DIS3L2: variants seen among roughly 807,000 people sequenced by gnomAD.
DIS3L2 encodes the protein DIS3 like 3'-5' exoribonuclease 2.
A neutral mutation model predicts 97.5 loss-of-function variants in DIS3L2; 34 were observed. The observed-to-expected ratio is 0.35, with a 90% CI of 0.27 to 0.46. The LOEUF is 0.46. Ranked by LOEUF, DIS3L2 falls within the 20% of genes least tolerant of loss-of-function variation. The pLI is 1.00. For missense variants in DIS3L2, 1,038 were observed against 1,146.0 expected, an observed-to-expected ratio of 0.91 and a Z score of 1.36; for synonymous variants, 435 against 445.2, an observed-to-expected ratio of 0.98 and a Z score of 0.29.
chr2:232,304,633 C>T (rs996848089), intron 14 of DIS3L2, among the ~76,000 whole-genome samples: 5 of 152,200 alleles, frequency 3.3e-5, no homozygotes, highest in African/African-American at 1.2e-4. Flanking sequence ...ACTGCCAGGA[C>T]TGTGGAGCTG....
intron 13 of DIS3L2, among the ~76,000 whole-genome samples, chr2:232,285,580 T>C (rs1694405451): frequency 2.0e-5 from 3 of 152,216 alleles, no homozygotes; most frequent in Admixed American, 2.0e-4. Flanking sequence ...TGTCCCTGTT[T>C]GTGGGAGAAG....
chr2:232,195,604 G>A (rs981559660), intron 9 of DIS3L2, among the ~76,000 whole-genome samples: 3 of 151,542 alleles, frequency 2.0e-5, no homozygotes, highest in Admixed American at 6.6e-5. Flanking sequence ...AAGACCAGGT[G>A]AGCCAGTTTA....
rs75782436 is a variant in DIS3L2 at position 232,334,397 on chromosome 2, C to T, written c.2187C>T (p.Pro729=). ...ATAGGGAGCGACTAGACATGGCGCC[C>T]GATACCCTGCAGAAACAGGCGGACC... ...LGYRERLDMA[P]DTLQKQADHC... is the part of the protein sequence containing the mutation. The change falls in exon 18 of 21, where the codon CCC becomes CCT. Residue 729 remains proline, a synonymous_variant. Transcript: ENST00000325385. 51,230 of 1,613,586 alleles carry T rather than the reference C, an allele frequency of 0.032. 994 individuals carry two copies. Among genetic ancestry groups the T allele is most frequent in the African/African-American group, 0.077 (5,750 of 75,026 alleles).
At chr2:232,264,366 A>G (rs1328887225) in intron 13 of DIS3L2, among the ~76,000 whole-genome samples, 1 of 152,210 alleles carries the variant, frequency 6.6e-6, no homozygotes, top group African/African-American at 2.4e-5. Context: ...ATAACTCTGA[A>G]GTCTCACAGC....
chr2:232,157,495 C>G (rs1690523965), intron 8 of DIS3L2, among the ~76,000 whole-genome samples: 1 of 152,132 alleles, frequency 6.6e-6, no homozygotes, highest in Non-Finnish European at 1.5e-5. Context: ...AAGGTGAAGT[C>G]CTTAATTACA....
chr2:232,330,798 C>A (rs752344734), intron 16 of DIS3L2, 22 bp downstream of exon 16: 1 of 1,604,116 alleles, frequency 6.2e-7, no homozygotes, highest in Non-Finnish European at 8.5e-7. Context: ...CCAGCCCCGG[C>A]CTCCCCTGCT....
chr2:232,146,318 G>A (rs1010555234), intron 8 of DIS3L2, among the ~76,000 whole-genome samples: 1 of 152,148 alleles, frequency 6.6e-6, no homozygotes, highest in African/African-American at 2.4e-5. Context: ...AGTGAATGGA[G>A]GGAAAGGGAA....
chr2:232,309,399 C>T (rs1198154177), intron 14 of DIS3L2, among the ~76,000 whole-genome samples: 2 of 152,118 alleles, frequency 1.3e-5, no homozygotes, highest in African/African-American at 2.4e-5. Context: ...GAGAGAGTAG[C>T]GGAAGGCAGA....
intron 8 of DIS3L2, among the ~76,000 whole-genome samples, chr2:232,143,511 A>AT (rs1398775665): frequency 1.3e-5 from 2 of 152,080 alleles, no homozygotes; most frequent in East Asian, 3.9e-4. Context: ...TCTAAATTTT[A>AT]TTTTTTCCAA....
Position 232,238,536 on chromosome 2 carries a change from A to G in DIS3L2, c.1208A>G (p.Asn403Ser), listed in dbSNP as rs761671385. Reference protein sequence around the residue: ...ALSCKPLADGNFKVGVHIADV... With the variant: ...ALSCKPLADGSFKVGVHIADV... Reference sequence around the variant, plus strand: ...AGTCCTTCTCGTGCATTTACAGGCAACTTCAAAGTGGGAGTTCACATTGCT... The same window carrying G: ...AGTCCTTCTCGTGCATTTACAGGCAGCTTCAAAGTGGGAGTTCACATTGCT... Residue 403 changes from asparagine (N) to serine (S), a missense_variant, in exon 11 of 21, where the codon AAC becomes AGC. Around this residue, in one of 3 missense-constraint regions of DIS3L2, gnomAD observed 813 missense variants for 880.1 expected, o/e 0.92. Coordinates refer to ENST00000325385, the MANE Select transcript of DIS3L2 (RefSeq NM_152383.5). The G allele has an allele frequency of 1.5e-5, 25 of 1,613,838 alleles. No homozygotes were observed. The highest frequency in any genetic ancestry group is 7.7e-5 in the South Asian group (7 of 91,018).
At position 232,269,488 on chromosome 2, in the gene DIS3L2, A is replaced by G. The variant is rs534610301; in HGVS notation, c.1659+6048A>G. 3.8e-4 allele frequency among the ~76,000 whole-genome samples: 58 copies of G among 152,318 alleles called. No individual in the cohort carries two copies. The highest frequency in any genetic ancestry group is 1.4e-3 in the African/African-American group (57 of 41,574). On this transcript the variant is annotated intron_variant, in intron 13 of 20. Coordinates refer to ENST00000325385, the MANE Select transcript of DIS3L2 (RefSeq NM_152383.5). This position sits in a 1 kb window ranked among gnomAD's most constrained non-coding sequence, Gnocchi z 4.5. The stretch of plus-strand genomic sequence containing the variant: ...GTCGTAGAGCTTTTCTATAAATAAT[A>G]TAGGAAAATAATGAGAGAGCCAGCA...
At chr2:232,315,699 G>A (rs949059541) in intron 14 of DIS3L2, among the ~76,000 whole-genome samples, 1 of 152,208 alleles carries the variant, frequency 6.6e-6, no homozygotes, top group Non-Finnish European at 1.5e-5. Context: ...TTTGCTGTCT[G>A]TTCTGCGGAT....
chr2:232,343,394 C>T (rs764047987), exon 14 of DIS3L2: 34 of 1,556,434 alleles, frequency 2.2e-5, no homozygotes, highest in African/African-American at 1.5e-4. Context: ...TCTCACAGCC[C>T]CTCTGCTGAA....
chr2:232,182,754 G>C (rs1466703110), intron 9 of DIS3L2, among the ~76,000 whole-genome samples: 1 of 152,064 alleles, frequency 6.6e-6, no homozygotes, highest in Non-Finnish European at 1.5e-5. Flanking sequence ...TTTTGTTACT[G>C]TTTGCATGAC....
intron 10 of DIS3L2, among the ~76,000 whole-genome samples, chr2:232,225,887 C>G (rs766085615): frequency 6.6e-6 from 1 of 151,970 alleles, no homozygotes; most frequent in Non-Finnish European, 1.5e-5. Context: ...CAGGGGTGAA[C>G]CTTGAAAATA....
intron 9 of DIS3L2, among the ~76,000 whole-genome samples, chr2:232,201,350 A>G (rs372117790): frequency 5.9e-5 from 9 of 152,204 alleles, no homozygotes; most frequent in East Asian, 3.8e-4. Context: ...GAGGAGATGA[A>G]TTTTGTCACA....
At chr2:232,239,363 C>T (rs1352343719) in intron 11 of DIS3L2, among the ~76,000 whole-genome samples, 1 of 152,220 alleles carries the variant, frequency 6.6e-6, no homozygotes, top group Non-Finnish European at 1.5e-5. Context: ...CTGATGGTCA[C>T]TGCAGTAGGC....
Position 232,300,122 on chromosome 2 carries a change from A to G in DIS3L2, c.1739+3A>G. ...TATGAGTACCGCGAGAGCAACAAGT[A>G]AGCCACTCAGTGGGAAAGAGTGTCA... is the stretch of plus-strand genomic sequence containing the variant. On this transcript the variant is annotated splice_donor_region_variant and intron_variant, in intron 14 of 20. Transcript: ENST00000325385. The G allele has an allele frequency of 1.9e-6, 3 of 1,613,372 alleles. No individual in the cohort carries two copies. The highest frequency in any genetic ancestry group is 1.7e-6 in the Non-Finnish European group (2 of 1,179,368).
chr2:232,149,495 A>G (rs1247790926), intron 8 of DIS3L2, among the ~76,000 whole-genome samples: 15 of 146,296 alleles, frequency 1.0e-4, no homozygotes, highest in South Asian at 6.6e-4. Flanking sequence ...ATGGTTTCCA[A>G]TTTCATCCAT....
Sources: allele counts gnomAD v4.1 joint callset (sites outside exome capture counted in the v4.1 genomes callset), GRCh38; gene constraint gnomAD v4.1.1; regional missense constraint gnomAD v4.1.1; non-coding constraint Gnocchi (gnomAD v3.1); transcripts MANE v1.5; gene names NCBI Gene and HGNC (gene_info 2026-07-23, HGNC 2026-07-21).